The following IL1RAP variants were observed in gnomAD, a reference collection of about 807,000 sequenced individuals.
The protein encoded by IL1RAP is interleukin-1 receptor accessory protein.
In IL1RAP, 35 loss-of-function variants were observed where a neutral mutation model predicts 60.7. That is an observed-to-expected ratio of 0.58 (90% CI 0.44 to 0.76). The LOEUF (loss-of-function observed/expected upper bound fraction) is 0.76. IL1RAP is among the 30% of genes least tolerant of loss of function. IL1RAP has a pLI of 0.00. For missense variants in IL1RAP, 572 were observed against 693.9 expected (o/e 0.82, Z 1.97); for synonymous variants, 268 against 250.9 (o/e 1.07, Z -0.64).
At chr3:190,514,606 G>C (rs2108571975) in intron 1 of IL1RAP, among the ~76,000 whole-genome samples, 1 of 147,554 alleles carries the variant, frequency 6.8e-6, no homozygotes, top group East Asian at 2.2e-4. Context: ...GAGGACAGAA[G>C]GAAGCGGTGT....
intron 1 of IL1RAP, among the ~76,000 whole-genome samples, chr3:190,520,254 C>T (rs3821744): frequency 0.38 from 58,475 of 152,038 alleles, 13,189 homozygotes; most frequent in African/African-American, 0.63. Flanking sequence ...CAAAATTGAA[C>T]GGATGATGGG....
rs373895277 is a variant in IL1RAP at position 190,585,549 on chromosome 3, C to T, written c.65-18579C>T. ...ACTTTAGGCTGGGCATGGTGGCTCA[C>T]GCCTGCAATCCTAACACTTTGGGAG... On this transcript the variant is annotated intron_variant, in intron 3 of 11. Coordinates refer to ENST00000447382, the MANE Select transcript of IL1RAP (RefSeq NM_002182.4). Among the ~76,000 whole-genome samples, 12 of 152,226 alleles carry T rather than the reference C, an allele frequency of 7.9e-5. No individual in the cohort carries two copies. The East Asian group carries it at 1.2e-3, about 15-fold the overall frequency.
intron 3 of IL1RAP, among the ~76,000 whole-genome samples, chr3:190,594,460 G>A (rs1373959885): frequency 6.6e-6 from 1 of 152,100 alleles, no homozygotes; most frequent in Admixed American, 6.5e-5. Context: ...TATGTCCCAC[G>A]CAGCAGGACA....
At chr3:190,640,683 A>G (rs556993209) in intron 9 of IL1RAP, among the ~76,000 whole-genome samples, 2 of 152,312 alleles carry the variant, frequency 1.3e-5, no homozygotes, top group Non-Finnish European at 2.9e-5. Context: ...GAAATCACTC[A>G]GATTTCCTAG....
At chr3:190,516,873 A>G (rs1443976663) in intron 1 of IL1RAP, among the ~76,000 whole-genome samples, 1 of 152,198 alleles carries the variant, frequency 6.6e-6, no homozygotes, top group Non-Finnish European at 1.5e-5. Context: ...CTGGAATGAG[A>G]CTCAGAGAAA....
At chr3:190,644,119 A>T in intron 9 of IL1RAP, 129 bp from the exon 10 acceptor site, 4 of 1,438,824 alleles carry the variant, frequency 2.8e-6, no homozygotes, top group Non-Finnish European at 3.6e-6. Context: ...CTACAATGTT[A>T]TCTCTGATTG....
At chr3:190,637,272 T>A (rs1395678285) in intron 9 of IL1RAP, among the ~76,000 whole-genome samples, 1 of 152,212 alleles carries the variant, frequency 6.6e-6, no homozygotes, top group East Asian at 1.9e-4. Flanking sequence ...AACTATTTAA[T>A]GTTTCTGGTA....
At chr3:190,546,481 T>G (rs4687148) in intron 1 of IL1RAP, among the ~76,000 whole-genome samples, 14,800 of 152,318 alleles carry the variant, frequency 0.097, 785 homozygotes, top group South Asian at 0.1. Context: ...TTGGACTGAT[T>G]TGTATACTTA....
chr3:190,656,855 C>G (rs1734635290), exon 12 of IL1RAP: 1 of 394,050 alleles, frequency 2.5e-6, no homozygotes. Context: ...GTGAAAGTTG[C>G]CTAAAGTCTG....
intron 3 of IL1RAP, among the ~76,000 whole-genome samples, chr3:190,601,068 T>C (rs1729817397): frequency 6.6e-6 from 1 of 152,218 alleles, no homozygotes. Flanking sequence ...CACTGCAACC[T>C]CTGCCTCCCG....
chr3:190,521,359 A>G (rs10212103), intron 1 of IL1RAP, among the ~76,000 whole-genome samples: 1 of 151,696 alleles, frequency 6.6e-6, no homozygotes, highest in Non-Finnish European at 1.5e-5. Context: ...GTTTTACATC[A>G]TGAGTCTCAA....
rs529658256 is a variant in IL1RAP at position 190,580,079 on chromosome 3, T to C, written c.64+15726T>C. Among the ~76,000 whole-genome samples, 19 of 152,354 alleles carry C rather than the reference T, an allele frequency of 1.2e-4. No homozygotes were observed. The South Asian group carries it at 3.9e-3, about 32-fold the overall frequency. On this transcript the variant is annotated intron_variant, in intron 3 of 11. Coordinates refer to ENST00000447382, the MANE Select transcript of IL1RAP (RefSeq NM_002182.4). Reference sequence around the variant, plus strand: ...GTGTGGACATATGTTTTCATTTTTCTTGGGTATATAGCTGTAAGTTGAATT... The same window carrying C: ...GTGTGGACATATGTTTTCATTTTTCCTGGGTATATAGCTGTAAGTTGAATT...
intron 3 of IL1RAP, among the ~76,000 whole-genome samples, chr3:190,572,855 C>CTTGGTTTTTTTTT: frequency 1.7e-5 from 1 of 57,594 alleles, no homozygotes; most frequent in Non-Finnish European, 3.3e-5. Flanking sequence ...AGGGTTAATG[C>CTTGGTTTTTTTTT]TTTGTTTTTT....
chr3:190,652,355 G>A (rs1465677481), downstream of IL1RAP, among the ~76,000 whole-genome samples: 3 of 151,874 alleles, frequency 2.0e-5, no homozygotes, highest in Non-Finnish European at 2.9e-5. Flanking sequence ...CCAGCTACTC[G>A]GGAGGCTAAG....
chr3:190,594,179 A>G (rs977797383), intron 3 of IL1RAP, among the ~76,000 whole-genome samples: 18 of 152,224 alleles, frequency 1.2e-4, no homozygotes, highest in African/African-American at 4.1e-4. Context: ...TCGTGATTCA[A>G]TACATCAGGA....
At chr3:190,578,098 C>G (rs4263268) in intron 3 of IL1RAP, among the ~76,000 whole-genome samples, 1 of 151,902 alleles carries the variant, frequency 6.6e-6, no homozygotes, top group Non-Finnish European at 1.5e-5. Context: ...AACTACCTAT[C>G]GGGTATCTAT....
chr3:190,530,270 A>T (rs1036954266), intron 1 of IL1RAP, among the ~76,000 whole-genome samples: 1 of 152,184 alleles, frequency 6.6e-6, no homozygotes, highest in South Asian at 2.1e-4. Flanking sequence ...TAAGAAATTC[A>T]TACTTAATCC....
At position 190,610,963 on chromosome 3, in the gene IL1RAP, A is replaced by G. The variant is rs550473889; in HGVS notation, c.537+1782A>G. 1.1e-4 allele frequency among the ~76,000 whole-genome samples: 16 copies of G among 152,330 alleles called. No individual in the cohort carries two copies. The East Asian group carries it at 2.7e-3, about 26-fold the overall frequency. On this transcript the variant is annotated intron_variant, in intron 5 of 11. Transcript: ENST00000447382. Reference sequence around the variant, plus strand: ...CATTTCACAAAATTTAATGGGTTACATTTGGATGATGATAGGAAATCAGTT... The same window carrying G: ...CATTTCACAAAATTTAATGGGTTACGTTTGGATGATGATAGGAAATCAGTT...
In IL1RAP at chr3:190,630,224, C is replaced by T. The variant is rs182750471; in HGVS notation, c.1051+726C>T. 8 of 792,868 alleles carry T rather than the reference C, an allele frequency of 1.0e-5. No homozygotes were observed. The East Asian group carries it at 8.8e-4, about 88-fold the overall frequency. 49.1% of individuals were successfully genotyped at this position (792,868 alleles called of 1,614,324 possible). ...AAACATGATTTCTATGTTGATAGTA[C>T]TATATTATTCTACAATAAATGGAAA... is the stretch of plus-strand genomic sequence containing the variant. On this transcript the variant is annotated intron_variant, in intron 9 of 11. Coordinates refer to ENST00000447382, the MANE Select transcript of IL1RAP (RefSeq NM_002182.4).
Sources: allele counts gnomAD v4.1 joint callset (sites outside exome capture counted in the v4.1 genomes callset), GRCh38; gene constraint gnomAD v4.1.1; transcripts MANE v1.5; gene names NCBI Gene and HGNC (gene_info 2026-07-23, HGNC 2026-07-21).